Variants in RAP1GAP observed in about 807,000 individuals in gnomAD.
The protein encoded by RAP1GAP is RAP1 GTPase activating protein.
A neutral mutation model predicts 87.2 loss-of-function variants in RAP1GAP; 35 were observed. The observed-to-expected ratio is 0.40, with a 90% CI of 0.31 to 0.53. The LOEUF (loss-of-function observed/expected upper bound fraction) is 0.53. Ranked by LOEUF, RAP1GAP falls within the 20% of genes least tolerant of loss-of-function variation. RAP1GAP has a pLI of 0.48. For missense variants in RAP1GAP, 734 were observed against 898.9 expected (o/e 0.82, Z 2.35); for synonymous variants, 375 against 363.9 (o/e 1.03, Z -0.35).
Position 21,608,196 on chromosome 1 carries a change from G to T in RAP1GAP, c.1296+17C>A. On this transcript the variant is annotated intron_variant, in intron 17 of 24. Transcript: ENST00000374765. The stretch of plus-strand genomic sequence containing the variant: ...CACGTCCCTGCTCCCCGGCCAGTTA[G>T]ACCTGGGGCCCTTCACCTTGAAAGA... 1 of 1,613,262 alleles carries T rather than the reference G, an allele frequency of 6.2e-7. No individual in the cohort carries two copies.
chr1:21,663,705 G>A (rs1032088929), intron 1 of RAP1GAP, among the ~76,000 whole-genome samples: 1 of 152,074 alleles, frequency 6.6e-6, no homozygotes, highest in African/African-American at 2.4e-5. Context: ...CCAAGCAGAG[G>A]GCTGGACCCA....
intron 3 of RAP1GAP, among the ~76,000 whole-genome samples, chr1:21,624,519 G>A (rs879711489): frequency 6.6e-6 from 1 of 152,218 alleles, no homozygotes; most frequent in Non-Finnish European, 1.5e-5. Context: ...CACCAGGGGA[G>A]GGGAATGGAG....
chr1:21,665,523 TATC>T (rs1382490751), intron 1 of RAP1GAP, among the ~76,000 whole-genome samples: 1 of 151,752 alleles, frequency 6.6e-6, no homozygotes, highest in African/African-American at 2.4e-5. Flanking sequence ...AAAGCAGGAG[TATC>T]ATGTTTTGCT....
At position 21,597,707 on chromosome 1, in the gene RAP1GAP, G is replaced by C. The variant is rs1394912108; in HGVS notation, c.*13C>G. ...TAACCTGCTCAGTTTCACCTTCAGA[G>C]GGGGTGGCCCGGCTAACAGCCCTGC... On this transcript the variant is annotated 3_prime_UTR_variant, in exon 24 of 25. Coordinates refer to ENST00000374765, the MANE Select transcript of RAP1GAP (RefSeq NM_002885.4). 1.2e-6 allele frequency: 2 copies of C among 1,613,042 alleles called. No individual in the cohort carries two copies. Among genetic ancestry groups the C allele is most frequent in the East Asian group, 2.2e-5 (1 of 44,884 alleles).
intron 1 of RAP1GAP, chr1:21,667,667 A>C (rs2097415669): frequency 6.6e-6 from 1 of 152,034 alleles, no homozygotes; most frequent in Non-Finnish European, 1.5e-5. Flanking sequence ...CCTCCTCTCC[A>C]CCGCTGTGGA....
At position 21,596,309 on chromosome 1, in the gene RAP1GAP, G is replaced by A. The variant is rs1645193838; in HGVS notation, c.*990C>T. 1 of 152,308 alleles carries A rather than the reference G, an allele frequency of 6.6e-6. No homozygotes were observed. 9.4% of individuals were successfully genotyped at this position (152,308 alleles called of 1,614,324 possible). On this transcript the variant is annotated 3_prime_UTR_variant, in exon 25 of 25. Transcript: ENST00000374765. ...GCTTCCAAAATGGGTATTGGGGCCA[G>A]GAGGCTGGCCTTTGGCGTGACGCCT...
chr1:21,614,282 G>A (rs1238196198), intron 7 of RAP1GAP, among the ~76,000 whole-genome samples, 193 bp from the exon 8 acceptor site: 1 of 152,202 alleles, frequency 6.6e-6, no homozygotes, highest in African/African-American at 2.4e-5. Context: ...TGGGCAGCCT[G>A]AGGAGGTCAC....
chr1:21,625,484 C>T (rs1286156343), intron 3 of RAP1GAP, among the ~76,000 whole-genome samples: 1 of 152,202 alleles, frequency 6.6e-6, no homozygotes, highest in Non-Finnish European at 1.5e-5. Context: ...TCTGGTCAGA[C>T]AGCTTGCATC....
At chr1:21,602,208 A>T (rs924224829) in intron 19 of RAP1GAP, among the ~76,000 whole-genome samples, 2 of 152,076 alleles carry the variant, frequency 1.3e-5, no homozygotes, top group African/African-American at 2.4e-5. Context: ...CCCTGGCCTC[A>T]CACGCAGTGC....
intron 3 of RAP1GAP, among the ~76,000 whole-genome samples, chr1:21,625,463 A>C (rs2091568904): frequency 6.6e-6 from 1 of 152,152 alleles, no homozygotes; most frequent in Non-Finnish European, 1.5e-5. Flanking sequence ...AGAGGCCCTA[A>C]CACCAGGCCC....
Position 21,609,658 on chromosome 1 carries a change from G to T in RAP1GAP, c.1000-12C>A. ...GCAGTGACAGAGACCTGGAAGGGAG[G>T]GCAGCTGTCTGTTCCTGTGGAGCCT... On this transcript the variant is annotated splice_polypyrimidine_tract_variant and intron_variant, in intron 14 of 24. Transcript: ENST00000374765. The surrounding 1 kb of genome is among the most constrained non-coding windows in gnomAD (Gnocchi z 4.4). 6.4e-7 allele frequency: 1 copy of T among 1,560,304 alleles called. No homozygotes were observed.
In RAP1GAP at chr1:21,613,599, C is replaced by T. The variant is rs372128215; in HGVS notation, c.474+29G>A. 1.6e-4 allele frequency: 254 copies of T among 1,586,880 alleles called. No homozygotes were observed. The African/African-American group carries it at 2.5e-3, about 16-fold the overall frequency. On this transcript the variant is annotated intron_variant, in intron 9 of 24. Transcript: ENST00000374765. This position sits in a 1 kb window ranked among gnomAD's most constrained non-coding sequence, Gnocchi z 4.7. ...CAGGTGCCCATCTGCGGAGCCAGCC[C>T]GGGAAGCTCAGCGGAGCGGAGACCT...
At chr1:21,652,859 A>G (rs1482126971) in intron 1 of RAP1GAP, among the ~76,000 whole-genome samples, 1 of 152,006 alleles carries the variant, frequency 6.6e-6, no homozygotes, top group Non-Finnish European at 1.5e-5. Context: ...TTCCCCCCAT[A>G]GAGGGAGAGA....
chr1:21,645,657 C>T (rs1204706804), intron 2 of RAP1GAP, among the ~76,000 whole-genome samples: 1 of 152,172 alleles, frequency 6.6e-6, no homozygotes, highest in Non-Finnish European at 1.5e-5. Flanking sequence ...GAGATCCCTG[C>T]CCAGAGGTAT....
chr1:21,639,686 C>T (rs375465454), intron 2 of RAP1GAP, among the ~76,000 whole-genome samples: 2 of 152,168 alleles, frequency 1.3e-5, no homozygotes, highest in Non-Finnish European at 2.9e-5. Context: ...GCGGGGGGCA[C>T]AGGCACATCT....
chr1:21,642,554 C>T (rs181577573), intron 2 of RAP1GAP, among the ~76,000 whole-genome samples: 8 of 152,266 alleles, frequency 5.3e-5, no homozygotes, highest in Admixed American at 2.6e-4. Flanking sequence ...ACTAAGAGCA[C>T]AGTCAGGGCC....
chr1:21,655,561 G>A (rs2096827610), intron 1 of RAP1GAP, among the ~76,000 whole-genome samples: 1 of 152,258 alleles, frequency 6.6e-6, no homozygotes, highest in Admixed American at 6.5e-5. Flanking sequence ...GACTGGCACT[G>A]GGAAGTCACT....
chr1:21,649,449 A>C (rs2096380168), intron 2 of RAP1GAP, among the ~76,000 whole-genome samples: 1 of 152,202 alleles, frequency 6.6e-6, no homozygotes, highest in African/African-American at 2.4e-5. Flanking sequence ...TTTTTACCTT[A>C]CACCCTATGA....
At chr1:21,666,785 T>C (rs1003703367) in intron 1 of RAP1GAP, among the ~76,000 whole-genome samples, 9 of 151,940 alleles carry the variant, frequency 5.9e-5, no homozygotes, top group Non-Finnish European at 1.3e-4. Flanking sequence ...TTTAAGGGCG[T>C]AGGGCATCCT....
Sources: gnomAD v4.1 joint callset for allele counts (sites outside exome capture counted in the v4.1 genomes callset) on GRCh38, gnomAD v4.1.1 for gene constraint, Gnocchi (gnomAD v3.1) non-coding constraint, MANE v1.5 for transcripts, NCBI Gene and HGNC (gene_info 2026-07-23, HGNC 2026-07-21) for gene names.